The following MAGI2 variants were observed in gnomAD, a reference collection of about 807,000 sequenced individuals.
MAGI2 encodes the protein membrane associated guanylate kinase, WW and PDZ domain containing 2.
A neutral mutation model predicts 133.3 loss-of-function variants in MAGI2; 35 were observed. The ratio of observed to expected loss-of-function variants is 0.26; its 90% CI spans 0.20 to 0.35. MAGI2 has a LOEUF of 0.35. Ranked by LOEUF, MAGI2 falls within the 10% of genes least tolerant of loss-of-function variation. The probability of loss-of-function intolerance (pLI) is 1.00; values close to 1 mark genes in which losing one functional copy is unlikely to be tolerated. For synonymous variants in MAGI2, 729 were observed against 710.6 expected (o/e 1.03, Z -0.41); for missense variants, 1,636 against 1,863.4 (o/e 0.88, Z 2.25).
chr7:78,539,342 C>A (rs1324335554), intron 3 of MAGI2, among the ~76,000 whole-genome samples: 1 of 151,470 alleles, frequency 6.6e-6, no homozygotes, highest in Admixed American at 6.6e-5. Flanking sequence ...GTTAAAACAT[C>A]CTTTCATCCC....
intron 1 of MAGI2, among the ~76,000 whole-genome samples, chr7:79,328,002 C>G (rs937244775): frequency 6.6e-6 from 1 of 152,072 alleles, no homozygotes; most frequent in Admixed American, 6.6e-5. Context: ...TATATCATAA[C>G]TTATTTAACT....
chr7:78,176,908 G>GACACACAC (rs200781303), intron 14 of MAGI2, among the ~76,000 whole-genome samples: 6,837 of 130,336 alleles, frequency 0.052, 233 homozygotes, highest in Middle Eastern at 0.068. Flanking sequence ...ACCATATATA[G>GACACACAC]ACACACACAC....
At chr7:78,838,406 C>T (rs925512139) in intron 2 of MAGI2, among the ~76,000 whole-genome samples, 1 of 151,906 alleles carries the variant, frequency 6.6e-6, no homozygotes, top group East Asian at 1.9e-4. Flanking sequence ...CACTGTTACA[C>T]CAACTGGCTT....
intron 1 of MAGI2, among the ~76,000 whole-genome samples, chr7:79,331,359 C>A (rs1310652711): frequency 1.3e-5 from 2 of 152,008 alleles, no homozygotes; most frequent in African/African-American, 4.8e-5. Flanking sequence ...CTGTCAACCT[C>A]AGATACTAGT....
rs750040677 is a variant in MAGI2, at chr7:78,256,451, G to A, written c.1539C>T (p.Pro513=). The A allele has an allele frequency of 2.5e-5, 40 of 1,613,742 alleles. No individual in the cohort carries two copies. In the Middle Eastern group the frequency reaches 6.6e-4, roughly 27 times the overall value. ...NLVLCRGYPL[P]FDPEDPANSM... is the part of the protein sequence containing the mutation. ...TGTTAGCAGGGTCTTCAGGATCAAA[G>A]GGCAAAGGGTAGCCACGACACAACA... is the stretch of plus-strand genomic sequence containing the variant. The change falls in exon 10 of 22, where the codon CCC becomes CCT. Residue 513 remains proline (P), a synonymous_variant. Coordinates refer to ENST00000354212, the MANE Select transcript of MAGI2 (RefSeq NM_012301.4).
At position 78,019,713 on chromosome 7, in the gene MAGI2, C is replaced by T. The variant is rs757602487; in HGVS notation, c.3970G>A (p.Ala1324Thr). ...RERSASPQRA[A>T]RPRLEEAPGG... The stretch of plus-strand genomic sequence containing the variant: ...GGCGCCTCCTCGAGCCTCGGCCGCG[C>T]GGCCCTCTGCGGACTCGCCGAGCGC... The change falls in exon 22 of 22, where the codon GCG becomes ACG. Residue 1324 changes from alanine to threonine, a missense_variant. Ala to Thr is a moderately conservative substitution (Grantham distance 58, BLOSUM62 0). Transcript: ENST00000354212. 3 of 1,592,692 alleles carry T rather than the reference C, an allele frequency of 1.9e-6. No homozygotes were observed. The highest frequency in any genetic ancestry group is 2.6e-6 in the Non-Finnish European group (3 of 1,174,336).
intron 2 of MAGI2, among the ~76,000 whole-genome samples, chr7:78,846,542 T>A (rs1167465845): frequency 6.6e-6 from 1 of 151,952 alleles, no homozygotes; most frequent in African/African-American, 2.4e-5. Context: ...GAAGATAACA[T>A]TGATGTTACC....
At chr7:78,516,751 T>G (rs982864215) in intron 4 of MAGI2, among the ~76,000 whole-genome samples, 4 of 152,158 alleles carry the variant, frequency 2.6e-5, no homozygotes, top group Non-Finnish European at 5.9e-5. Flanking sequence ...TAGGGAACTA[T>G]AGTCCACAAA....
intron 2 of MAGI2, among the ~76,000 whole-genome samples, chr7:78,654,112 A>T (rs1159688553): frequency 1.3e-5 from 2 of 152,214 alleles, no homozygotes; most frequent in African/African-American, 4.8e-5. Flanking sequence ...TAAGGTTAAT[A>T]GCACTTACTT....
chr7:78,418,888 G>T (rs995320264), intron 6 of MAGI2, among the ~76,000 whole-genome samples: 2 of 152,142 alleles, frequency 1.3e-5, no homozygotes, highest in African/African-American at 4.8e-5. Flanking sequence ...AGTAATAGTT[G>T]TGATAAATAT....
rs543186784 is a variant in MAGI2 at position 78,101,094 on chromosome 7, G to A, written c.3568-22009C>T. Among the ~76,000 whole-genome samples the A allele has an allele frequency of 1.2e-4, 19 of 152,266 alleles. No homozygotes were observed. In the East Asian group the frequency reaches 3.1e-3, roughly 25 times the overall value. On this transcript the variant is annotated intron_variant, in intron 20 of 21. Coordinates refer to ENST00000354212, the MANE Select transcript of MAGI2 (RefSeq NM_012301.4). ...AAATGATATCCTGTGTTCATGGATTGGAAGAACAAATATTGTTATAATGTC... is the reference window on the plus strand; with the variant it reads ...AAATGATATCCTGTGTTCATGGATTAGAAGAACAAATATTGTTATAATGTC...
intron 1 of MAGI2, among the ~76,000 whole-genome samples, chr7:79,096,680 G>A (rs1244705124): frequency 2.0e-5 from 3 of 152,060 alleles, no homozygotes; most frequent in Admixed American, 6.6e-5. Flanking sequence ...CCTTAAAAAC[G>A]AGAATGAGTT....
Position 79,388,730 on chromosome 7 carries a change from A to G in MAGI2, c.301+64290T>C, listed in dbSNP as rs1260322677. On this transcript the variant is annotated intron_variant, in intron 1 of 21. Transcript: ENST00000354212. ...ATTCCACTCTTAATGAGAAAGGTGA[A>G]AAAGAAAAATAATAATCAGGCTAAA... Among the ~76,000 whole-genome samples, 5 of 151,788 alleles carry G rather than the reference A, an allele frequency of 3.3e-5. No homozygotes were observed. The East Asian group carries it at 7.7e-4, about 23-fold the overall frequency.
chr7:78,996,876 T>C (rs1806357394), intron 2 of MAGI2, among the ~76,000 whole-genome samples: 1 of 152,174 alleles, frequency 6.6e-6, no homozygotes, highest in African/African-American at 2.4e-5. Context: ...ATTAAAAGTC[T>C]AGCTAGGTGT....
chr7:78,144,613 A>G (rs1287710072), intron 16 of MAGI2, among the ~76,000 whole-genome samples: 3 of 152,162 alleles, frequency 2.0e-5, no homozygotes, highest in African/African-American at 4.8e-5. Context: ...AGCTGTTAAA[A>G]TCATCAATTT....
intron 1 of MAGI2, among the ~76,000 whole-genome samples, chr7:79,224,332 C>A (rs1585247043): frequency 6.6e-6 from 1 of 152,008 alleles, no homozygotes; most frequent in Non-Finnish European, 1.5e-5. Context: ...AAGTATTGAG[C>A]AATCTGGTCT....
intron 1 of MAGI2, among the ~76,000 whole-genome samples, chr7:79,323,160 A>C (rs1310205600): frequency 1.3e-5 from 2 of 152,116 alleles, no homozygotes; most frequent in African/African-American, 2.4e-5. Flanking sequence ...GTCCTCCTTC[A>C]TTCACTTACA....
chr7:78,556,697 C>G (rs1357137297), intron 3 of MAGI2, among the ~76,000 whole-genome samples: 1 of 152,132 alleles, frequency 6.6e-6, no homozygotes, highest in Admixed American at 6.5e-5. Context: ...ATTCCCATTT[C>G]CATGCCCTTC....
Position 78,882,614 on chromosome 7 carries a change from A to T in MAGI2, c.418+124476T>A, listed in dbSNP as rs73373277. ...AAGAATATTGATGCAAAAACACTCA[A>T]CAAAACACTAACAAAATCAATGTGC... On this transcript the variant is annotated intron_variant, in intron 2 of 21. Coordinates refer to ENST00000354212, the MANE Select transcript of MAGI2 (RefSeq NM_012301.4). Among the ~76,000 whole-genome samples, 1,121 of 152,248 alleles carry T rather than the reference A, an allele frequency of 7.4e-3. 11 individuals are homozygous for T. The highest frequency in any genetic ancestry group is 0.024 in the African/African-American group (995 of 41,530).
Sources: allele counts gnomAD v4.1 joint callset (sites outside exome capture counted in the v4.1 genomes callset), GRCh38; gene constraint gnomAD v4.1.1; transcripts MANE v1.5; gene names NCBI Gene and HGNC (gene_info 2026-07-23, HGNC 2026-07-21).